The following KALRN variants were observed in gnomAD, a reference collection of about 807,000 sequenced individuals.
KALRN encodes the protein kalirin.
Under a neutral mutation model 353.7 loss-of-function variants are expected in KALRN, and 70 were observed. The ratio of observed to expected loss-of-function variants is 0.20; its 90% confidence interval spans 0.16 to 0.24. The LOEUF (loss-of-function observed/expected upper bound fraction) is 0.24. Among genes scored for constraint, KALRN ranks in the 10% least tolerant of loss-of-function variants. KALRN has a pLI of 1.00. For missense variants in KALRN, 2,791 were observed against 3,756.7 expected (o/e 0.74, Z 6.72); for synonymous variants, 1,391 against 1,434.8 (o/e 0.97, Z 0.69).
Position 124,269,066 on chromosome 3 carries a change from C to T in KALRN, c.780C>T (p.Cys260=). ...AGCGGCTGCTGCAGTGCATCCGCTG[C>T]AGCGACGGCTTCTCAGGACGCAACT... ...EGQRLLQCIR[C]SDGFSGRNCI... The change falls in exon 5 of 60, where the codon TGC becomes TGT. Residue 260 remains cysteine (C), a synonymous_variant. Coordinates refer to ENST00000682506, the MANE Select transcript of KALRN (RefSeq NM_001388419.1). 10 of 1,612,524 alleles carry T rather than the reference C, an allele frequency of 6.2e-6. No individual in the cohort carries two copies. The highest frequency in any genetic ancestry group is 8.5e-6 in the Non-Finnish European group (10 of 1,179,482).
intron 51 of KALRN, among the ~76,000 whole-genome samples, chr3:124,681,272 A>G (rs182061559): frequency 1.3e-5 from 2 of 152,352 alleles, no homozygotes; most frequent in Admixed American, 6.5e-5. Flanking sequence ...ATGTGTGTGC[A>G]TATACACATC....
At chr3:124,396,584 C>T (rs775697426) in intron 12 of KALRN, among the ~76,000 whole-genome samples, 13 of 152,258 alleles carry the variant, frequency 8.5e-5, no homozygotes, top group Non-Finnish European at 1.9e-4. Flanking sequence ...AAGGGGTTCA[C>T]TCTAGGAGCT....
At chr3:124,490,321 C>T (rs966373541) in intron 29 of KALRN, among the ~76,000 whole-genome samples, 1 of 152,192 alleles carries the variant, frequency 6.6e-6, no homozygotes, top group Admixed American at 6.5e-5. Flanking sequence ...TCCTCAACCC[C>T]ACTCATAGCT....
intron 1 of KALRN, chr3:124,079,888 A>G (rs192088085): frequency 1.7e-5 from 5 of 287,122 alleles, no homozygotes; most frequent in Non-Finnish European, 3.0e-5. Flanking sequence ...CATCTATATA[A>G]TAAGCTTTCA....
At position 124,261,473 on chromosome 3, in the gene KALRN, T is replaced by A. The variant is rs569662230; in HGVS notation, c.264-3025T>A. On this transcript the variant is annotated intron_variant, in intron 3 of 59. Transcript: ENST00000682506. The stretch of plus-strand genomic sequence containing the variant: ...AGCACCTTGGAAGATTAGCCTGTTT[T>A]CACAGAAAGATGCCAATTAGATTAG... Among the ~76,000 whole-genome samples, 87 of 152,350 alleles carry A rather than the reference T, an allele frequency of 5.7e-4. 1 individual carries two copies. The highest frequency in any genetic ancestry group is 2.1e-3 in the African/African-American group (86 of 41,576).
At chr3:124,697,801 A>G (rs1216334186) in intron 55 of KALRN, 77 bp downstream of exon 55, 4 of 1,341,140 alleles carry the variant, frequency 3.0e-6, no homozygotes, top group Non-Finnish European at 4.0e-6. Flanking sequence ...TAAAACACAC[A>G]TAATAAAATT....
intron 25 of KALRN, among the ~76,000 whole-genome samples, chr3:124,464,423 G>C (rs902642621): frequency 6.6e-5 from 10 of 151,972 alleles, no homozygotes; most frequent in African/African-American, 2.2e-4. Context: ...GGTAAACCAT[G>C]GTAAACAGTT....
chr3:124,669,907 A>C (rs1186286440), intron 47 of KALRN, among the ~76,000 whole-genome samples: 3 of 152,012 alleles, frequency 2.0e-5, no homozygotes, highest in Non-Finnish European at 2.9e-5. Flanking sequence ...CAAGAAAAAA[A>C]ACTCTGTACA....
intron 33 of KALRN, among the ~76,000 whole-genome samples, chr3:124,505,541 G>T (rs1263561044): frequency 6.6e-6 from 1 of 152,186 alleles, no homozygotes; most frequent in African/African-American, 2.4e-5. Flanking sequence ...GCTGAGGTGG[G>T]AGGACTGCTT....
At chr3:124,191,683 C>G (rs545086866) in intron 1 of KALRN, among the ~76,000 whole-genome samples, 4 of 152,220 alleles carry the variant, frequency 2.6e-5, no homozygotes, top group Non-Finnish European at 4.4e-5. Context: ...TGTATAGTCT[C>G]CCTACATGGC....
chr3:124,426,479 T>C (rs1301314047), intron 15 of KALRN, among the ~76,000 whole-genome samples: 2 of 152,208 alleles, frequency 1.3e-5, no homozygotes, highest in Non-Finnish European at 2.9e-5. Context: ...TCATGGCCCA[T>C]CATAACCTTA....
At chr3:124,636,825 A>G (rs772633755) in intron 36 of KALRN, among the ~76,000 whole-genome samples, 7 of 152,232 alleles carry the variant, frequency 4.6e-5, no homozygotes, top group Non-Finnish European at 1.0e-4. Flanking sequence ...CCAAAACAGC[A>G]ACGGGCAGCT....
intron 1 of KALRN, among the ~76,000 whole-genome samples, chr3:124,128,829 C>T (rs1230338411): frequency 6.6e-6 from 1 of 152,022 alleles, no homozygotes; most frequent in Non-Finnish European, 1.5e-5. Flanking sequence ...TTCAACTGGT[C>T]CTGAAGAGTT....
intron 34 of KALRN, among the ~76,000 whole-genome samples, chr3:124,589,479 G>C (rs2075554998): frequency 1.3e-5 from 2 of 152,186 alleles, no homozygotes; most frequent in South Asian, 4.1e-4. Context: ...TGTAGTCCCA[G>C]CTACTCGGGA....
At chr3:124,043,739 C>A (rs1317671) in intron 1 of KALRN, among the ~76,000 whole-genome samples, 1 of 151,900 alleles carries the variant, frequency 6.6e-6, no homozygotes, top group African/African-American at 2.4e-5. Context: ...AGCTAAGAAG[C>A]GAGGCTGGGA....
intron 44 of KALRN, 93 bp from the exon 45 acceptor site, chr3:124,661,758 A>G: frequency 1.1e-6 from 1 of 940,810 alleles, no homozygotes; most frequent in Non-Finnish European, 1.8e-6. Context: ...GAGCCACCAG[A>G]GATGAAGTCC....
intron 33 of KALRN, among the ~76,000 whole-genome samples, chr3:124,531,247 G>A (rs111296931): frequency 6.8e-4 from 104 of 152,310 alleles, no homozygotes; most frequent in African/African-American, 2.1e-3. Context: ...GAAATATTTG[G>A]TGAGTGTCAG....
rs1210191456 is a variant in KALRN at position 124,720,557 on chromosome 3, G to C, written c.*1087G>C. The C allele has an allele frequency of 1.3e-5, 2 of 152,554 alleles. No individual in the cohort carries two copies. The highest frequency in any genetic ancestry group is 4.8e-5 in the African/African-American group (2 of 41,426). The allele number at this position is 152,554 out of a possible 1,614,324, so 9.5% of individuals were successfully genotyped here. A position where few individuals can be genotyped will look rare whatever the true frequency, so the allele number is the denominator to read the frequency against. On this transcript the variant is annotated 3_prime_UTR_variant, in exon 60 of 60. Transcript: ENST00000682506. ...CTTACTAAAAGGAGGCAGCCATATA[G>C]GCCTTTTAAAGGCCTGGTTCTAAGT...
chr3:124,098,718 C>T (rs2061624900), intron 1 of KALRN, among the ~76,000 whole-genome samples: 1 of 152,178 alleles, frequency 6.6e-6, no homozygotes, highest in South Asian at 2.1e-4. Context: ...AGTGCCTTTC[C>T]CTTTCAGCCA....
Sources: gnomAD v4.1 joint callset for allele counts (sites outside exome capture counted in the v4.1 genomes callset) on GRCh38, gnomAD v4.1.1 for gene constraint, MANE v1.5 for transcripts, NCBI Gene and HGNC (gene_info 2026-07-23, HGNC 2026-07-21) for gene names.